The following CTBP2 variants were observed in gnomAD, a reference collection of about 807,000 sequenced individuals.
CTBP2 encodes the protein C-terminal-binding protein 2.
Under a neutral mutation model 80.3 loss-of-function variants are expected in CTBP2, and 30 were observed. The ratio of observed to expected loss-of-function variants is 0.37; its 90% CI spans 0.28 to 0.51. CTBP2 has a LOEUF of 0.51. Ranked by LOEUF, CTBP2 falls within the 20% of genes least tolerant of loss-of-function variation. The pLI, the probability that CTBP2 is intolerant of heterozygous loss-of-function variation, is 0.93. For synonymous variants in CTBP2, 594 were observed against 587.4 expected, an observed-to-expected ratio of 1.01 and a Z score of -0.16; for missense variants, 1,212 against 1,375.3, an observed-to-expected ratio of 0.88 and a Z score of 1.88.
At chr10:124,998,730 G>T in intron 3 of CTBP2, 1 of 171,996 alleles carries the variant, frequency 5.8e-6, no homozygotes, top group Non-Finnish European at 1.3e-5. Flanking sequence ...GGAACCGATG[G>T]CCGAAGCGTG....
chr10:125,091,820 G>A (rs1214756301), intron 2 of CTBP2, among the ~76,000 whole-genome samples: 2 of 152,094 alleles, frequency 1.3e-5, no homozygotes, highest in African/African-American at 4.8e-5. Flanking sequence ...CATTTGGGGA[G>A]GAGGAGTGGG....
At chr10:125,155,392 G>A (rs1860734563) in intron 1 of CTBP2, among the ~76,000 whole-genome samples, 1 of 150,546 alleles carries the variant, frequency 6.6e-6, no homozygotes, top group Non-Finnish European at 1.5e-5. Context: ...GTATTCATTT[G>A]TGAATCCCCC....
intron 2 of CTBP2, among the ~76,000 whole-genome samples, chr10:125,101,577 A>T (rs577694034): frequency 2.1e-4 from 32 of 152,338 alleles, no homozygotes; most frequent in African/African-American, 7.0e-4. Context: ...CATTATTACC[A>T]GGTCGATGGG....
In CTBP2 at chr10:125,019,212, G is replaced by C. The variant is rs547189295; in HGVS notation, c.1678+6870C>G. On this transcript the variant is annotated intron_variant, in intron 1 of 8. Transcript: ENST00000309035. The stretch of plus-strand genomic sequence containing the variant: ...AACAACTAGAAAGCCCTTTGTTGAA[G>C]CCAGCCTCAGAGTGGGAAACACACA... Among the ~76,000 whole-genome samples the C allele has an allele frequency of 2.0e-5, 3 of 152,254 alleles. No individual in the cohort carries two copies. In the South Asian group the frequency reaches 6.2e-4, roughly 32 times the overall value.
chr10:125,017,287 A>G (rs1956592981), intron 1 of CTBP2, among the ~76,000 whole-genome samples: 2 of 152,350 alleles, frequency 1.3e-5, no homozygotes, highest in African/African-American at 4.8e-5. Flanking sequence ...ACTGCAAACC[A>G]GCGCTGATGC....
At chr10:125,032,000 G>A (rs1309029452), upstream of CTBP2, among the ~76,000 whole-genome samples, 1 of 151,974 alleles carries the variant, frequency 6.6e-6, no homozygotes, top group African/African-American at 2.4e-5. Context: ...ATATTGTAAA[G>A]CTTCCTGGGA....
chr10:125,134,620 G>T (rs1037641237), intron 1 of CTBP2, among the ~76,000 whole-genome samples: 1 of 152,160 alleles, frequency 6.6e-6, no homozygotes. Flanking sequence ...AGGCTGGCAG[G>T]CCCCTCCTTT....
intron 1 of CTBP2, among the ~76,000 whole-genome samples, chr10:125,124,178 C>T (rs908530492): frequency 6.6e-6 from 1 of 152,174 alleles, no homozygotes; most frequent in Non-Finnish European, 1.5e-5. Context: ...TACGCCCCTG[C>T]TTCTCGAGCC....
Position 125,039,112 on chromosome 10 carries a change from A to T in CTBP2, c.-58T>A. ...AGGCAAAGCAGTCCTCTAAGAACTTAGGGGAACTTGCAGGAGTCTGCGTGC... is the reference window on the plus strand; with the variant it reads ...AGGCAAAGCAGTCCTCTAAGAACTTTGGGGAACTTGCAGGAGTCTGCGTGC... On this transcript the variant is annotated 5_prime_UTR_variant, in exon 3 of 11. An upstream open reading frame in the 5' UTR loses its in-frame stop. Coordinates refer to the CTBP2 transcript ENST00000337195. 1 of 1,518,932 alleles carries T rather than the reference A, an allele frequency of 6.6e-7. No homozygotes were observed. Among genetic ancestry groups the T allele is most frequent in the Non-Finnish European group, 9.1e-7 (1 of 1,104,100 alleles). 94.1% of individuals were successfully genotyped at this position (1,518,932 alleles called of 1,614,324 possible). A position where few individuals can be genotyped will look rare whatever the true frequency, so the allele number is the denominator to read the frequency against.
chr10:125,114,012 T>G (rs1486074840), intron 1 of CTBP2, among the ~76,000 whole-genome samples: 1 of 152,292 alleles, frequency 6.6e-6, no homozygotes, highest in South Asian at 2.1e-4. Context: ...AAGCTAAAGA[T>G]TCAAAAATAC....
intron 1 of CTBP2, among the ~76,000 whole-genome samples, chr10:125,118,337 T>C (rs1853687383): frequency 6.6e-6 from 1 of 151,852 alleles, no homozygotes; most frequent in Non-Finnish European, 1.5e-5. Context: ...GACGGAGAAA[T>C]AAACAAGGGC....
intron 1 of CTBP2, among the ~76,000 whole-genome samples, chr10:125,003,724 C>A (rs1212008699): frequency 6.6e-6 from 1 of 152,204 alleles, no homozygotes; most frequent in East Asian, 1.9e-4. Flanking sequence ...TGCTTCCCTG[C>A]CAGCAGACCA....
chr10:125,099,989 G>T (rs987408355), intron 2 of CTBP2, among the ~76,000 whole-genome samples: 16 of 152,188 alleles, frequency 1.1e-4, no homozygotes, highest in African/African-American at 3.9e-4. Flanking sequence ...CAAGTCCTGG[G>T]GGGGCGGACA....
At chr10:125,106,396 C>A (rs942155480) in intron 2 of CTBP2, among the ~76,000 whole-genome samples, 1 of 152,176 alleles carries the variant, frequency 6.6e-6, no homozygotes, top group Admixed American at 6.5e-5. Flanking sequence ...AAGGCTTCCA[C>A]CAGCAAGGGA....
chr10:125,025,603 G>A (rs1269633808), intron 1 of CTBP2, among the ~76,000 whole-genome samples: 1 of 152,142 alleles, frequency 6.6e-6, no homozygotes, highest in East Asian at 1.9e-4. Context: ...GATACGGCGT[G>A]CGGACCCGTG....
chr10:125,070,968 A>C (rs962179468), intron 2 of CTBP2, among the ~76,000 whole-genome samples: 2 of 152,252 alleles, frequency 1.3e-5, no homozygotes, highest in African/African-American at 4.8e-5. Flanking sequence ...AACCAAAGAA[A>C]AAAAGAAAAT....
rs969058004 is a variant in CTBP2 at position 125,041,518 on chromosome 10, C to A, written c.-101-2363G>T. Among the ~76,000 whole-genome samples the A allele has an allele frequency of 5.5e-4, 65 of 118,296 alleles. 2 individuals carry two copies. Among genetic ancestry groups the A allele is most frequent in the Admixed American group, 9.3e-4 (11 of 11,792 alleles). The allele number at this position is 118,296 out of a possible 152,430, so 77.6% of individuals were successfully genotyped here. A position where few individuals can be genotyped will look rare whatever the true frequency, so the allele number is the denominator to read the frequency against. On this transcript the variant is annotated intron_variant, in intron 2 of 10. Transcript: ENST00000337195. ...TGTCCATCCCCACCCCCCCCCCCCC[C>A]ACCCACAAGTGACTCTAGGTGAGGC...
chr10:125,118,347 C>T (rs1052304825), intron 1 of CTBP2, among the ~76,000 whole-genome samples: 2 of 152,048 alleles, frequency 1.3e-5, no homozygotes, highest in African/African-American at 2.4e-5. Flanking sequence ...TAAACAAGGG[C>T]GTGAGATGGG....
intron 1 of CTBP2, among the ~76,000 whole-genome samples, chr10:125,159,267 T>A (rs1861503632): frequency 6.7e-6 from 1 of 149,234 alleles, no homozygotes. Context: ...CTAAACTTTT[T>A]CTTTTTGATT....
Sources: gnomAD v4.1 joint callset for allele counts (sites outside exome capture counted in the v4.1 genomes callset) on GRCh38, gnomAD v4.1.1 for gene constraint, MANE v1.5 for transcripts, NCBI Gene and HGNC (gene_info 2026-07-23, HGNC 2026-07-21) for gene names.